The following FAHD2A variants were observed in gnomAD, a reference collection of about 807,000 sequenced individuals.
FAHD2A encodes oxaloacetate tautomerase FAHD2A, mitochondrial.
A neutral mutation model predicts 33.4 loss-of-function variants in FAHD2A; 27 were observed. The ratio of observed to expected loss-of-function variants is 0.81; its 90% confidence interval spans 0.60 to 1.11. The LOEUF (loss-of-function observed/expected upper bound fraction) is 1.11. Among genes scored for constraint, FAHD2A ranks in the 50% most tolerant of loss-of-function variants. The pLI is 0.00. For synonymous variants in FAHD2A, 130 were observed against 153.3 expected (o/e 0.85, Z 1.12); for missense variants, 296 against 395.0 (o/e 0.75, Z 2.12).
At chr2:95,418,094 C>T (rs1683258656), downstream of FAHD2A, among the ~76,000 whole-genome samples, 1 of 152,038 alleles carries the variant, frequency 6.6e-6, no homozygotes, top group South Asian at 2.1e-4. Context: ...CAATAAGCCA[C>T]AATTCACTGG....
rs1358258779 is a variant in FAHD2A, at chr2:95,416,265, CT to C, written c.*3311del. On this transcript the variant is annotated 3_prime_UTR_variant, in exon 8 of 8. Transcript: ENST00000233379. ...CTTAAAGTGCCTCTGAGGCCAAAGC[CT>C]TTGTGGCAATTGTCAAATGAGTCCA... 2.0e-5 allele frequency: 3 copies of C among 152,350 alleles called. No individual in the cohort carries two copies. Among genetic ancestry groups the C allele is most frequent in the Non-Finnish European group, 4.4e-5 (3 of 68,058 alleles). 9.4% of individuals were successfully genotyped at this position (152,350 alleles called of 1,614,324 possible). A position where few individuals can be genotyped will look rare whatever the true frequency, so the allele number is the denominator to read the frequency against.
chr2:95,419,410 TAATAA>T (rs1164469575), downstream of FAHD2A, among the ~76,000 whole-genome samples: 1 of 151,958 alleles, frequency 6.6e-6, no homozygotes, highest in South Asian at 2.1e-4. Flanking sequence ...GAAGGATGGT[TAATAA>T]AATATGGAGG....
chr2:95,418,385 C>T (rs1379740516), downstream of FAHD2A, among the ~76,000 whole-genome samples: 2 of 151,764 alleles, frequency 1.3e-5, no homozygotes, highest in Non-Finnish European at 2.9e-5. Context: ...TATATCTGTT[C>T]CCTACTTAGA....
At chr2:95,412,791 G>A (rs1682758154) in intron 7 of FAHD2A, 27 bp downstream of exon 7, 5 of 1,614,070 alleles carry the variant, frequency 3.1e-6, no homozygotes, top group Non-Finnish European at 4.2e-6. Context: ...CAAAGAGCAA[G>A]GGCCCCAAAG....
rs368012756 is a variant in FAHD2A, at chr2:95,410,567, A to G, written c.503A>G (p.Lys168Arg). 35 of 1,613,364 alleles carry G rather than the reference A, an allele frequency of 2.2e-5. No individual in the cohort carries two copies. The highest frequency in any genetic ancestry group is 2.9e-5 in the Non-Finnish European group (34 of 1,179,770). Residue 168 changes from lysine to arginine, a missense_variant, in exon 4 of 8, where the codon AAG becomes AGG. Lys to Arg is a conservative substitution (Grantham distance 26). Transcript: ENST00000233379. Reference sequence around the variant, plus strand: ...GTGGAGCTGGCCGTGGTCATTGGAAAGAAAGGCAAGCACATCAAGGTGAGG... The same window carrying G: ...GTGGAGCTGGCCGTGGTCATTGGAAGGAAAGGCAAGCACATCAAGGTGAGG... Reference protein sequence around the residue: ...WEVELAVVIGKKGKHIKATDA... With the variant: ...WEVELAVVIGRKGKHIKATDA...
At position 95,413,850 on chromosome 2, in the gene FAHD2A, C is replaced by T; in HGVS notation, c.*893C>T. The T allele has an allele frequency of 1.3e-6, 1 of 766,734 alleles. No individual in the cohort carries two copies. Among genetic ancestry groups the T allele is most frequent in the Admixed American group, 2.1e-5 (1 of 47,970 alleles). 47.5% of individuals were successfully genotyped at this position (766,734 alleles called of 1,614,324 possible). A position where few individuals can be genotyped will look rare whatever the true frequency, so the allele number is the denominator to read the frequency against. ...AGTAAATCCCAGGGTCTTAATGAGG[C>T]ACCATCAGGCCAGCCCTGTGGGGTG... On this transcript the variant is annotated 3_prime_UTR_variant, in exon 8 of 8. Transcript: ENST00000233379.
At chr2:95,417,642 G>A (rs1321136486), downstream of FAHD2A, among the ~76,000 whole-genome samples, 3 of 152,036 alleles carry the variant, frequency 2.0e-5, no homozygotes, top group Admixed American at 6.6e-5. Context: ...AACAACAAAC[G>A]TCTATTTCAC....
intron 3 of FAHD2A, among the ~76,000 whole-genome samples, chr2:95,409,721 G>C (rs1219690254): frequency 6.6e-6 from 1 of 152,184 alleles, no homozygotes; most frequent in Non-Finnish European, 1.5e-5. Context: ...TGTGAATTCT[G>C]TTTTTACTCA....
chr2:95,408,746 G>A (rs1182669012), intron 3 of FAHD2A, among the ~76,000 whole-genome samples: 1 of 152,342 alleles, frequency 6.6e-6, no homozygotes. Context: ...TTTGGGTGGG[G>A]ACACAGAGCT....
chr2:95,409,279 T>C (rs1405790235), intron 3 of FAHD2A, among the ~76,000 whole-genome samples: 2 of 152,168 alleles, frequency 1.3e-5, no homozygotes, highest in African/African-American at 2.4e-5. Context: ...GTGGTCATCC[T>C]GACTGAATCT....
chr2:95,418,159 C>A (rs753203758), downstream of FAHD2A, among the ~76,000 whole-genome samples: 3 of 151,942 alleles, frequency 2.0e-5, no homozygotes, highest in Non-Finnish European at 4.4e-5. Context: ...ACCACAAGTA[C>A]CTGTAGAAGT....
chr2:95,417,099 C>T (rs747177948), downstream of FAHD2A, among the ~76,000 whole-genome samples: 1 of 152,204 alleles, frequency 6.6e-6, no homozygotes, highest in African/African-American at 2.4e-5. Flanking sequence ...ATGATGCAAT[C>T]TTTTCTAAAA....
In FAHD2A at chr2:95,410,496, T is replaced by G. The variant is rs777916373; in HGVS notation, c.463-31T>G. ...CATGGACAGTGGGCCCTGAAGCCAC[T>G]GCAGCTCACTGTTCCTCTCCCACCC... On this transcript the variant is annotated intron_variant, in intron 3 of 7. Transcript: ENST00000233379. 5.2e-5 allele frequency: 83 copies of G among 1,592,712 alleles called. 1 individual carries two copies. In the East Asian group the frequency reaches 1.9e-3, roughly 36 times the overall value.
Position 95,415,173 on chromosome 2 carries a change from G to T in FAHD2A, c.*2216G>T, listed in dbSNP as rs1000135312. The T allele has an allele frequency of 6.6e-6, 1 of 152,116 alleles. No homozygotes were observed. Among genetic ancestry groups the T allele is most frequent in the African/African-American group, 2.4e-5 (1 of 41,378 alleles). 9.4% of individuals were successfully genotyped at this position (152,116 alleles called of 1,614,324 possible). A position where few individuals can be genotyped will look rare whatever the true frequency, so the allele number is the denominator to read the frequency against. ...GAAGCCACCCCAAAATACAGCAGAGGACACCAGGACTTTCATTTTCCCTCA... is the reference window on the plus strand; with the variant it reads ...GAAGCCACCCCAAAATACAGCAGAGTACACCAGGACTTTCATTTTCCCTCA... On this transcript the variant is annotated 3_prime_UTR_variant, in exon 8 of 8. Transcript: ENST00000233379.
chr2:95,419,595 G>C (rs531412144), downstream of FAHD2A, among the ~76,000 whole-genome samples: 2 of 152,166 alleles, frequency 1.3e-5, no homozygotes, highest in African/African-American at 4.8e-5. Flanking sequence ...GCAAGTTCAG[G>C]ACAATGAAAG....
In FAHD2A at chr2:95,414,364, G is replaced by A. The variant is rs1682949595; in HGVS notation, c.*1407G>A. On this transcript the variant is annotated 3_prime_UTR_variant, in exon 8 of 8. Transcript: ENST00000233379. ...GTGCTGGGTGGATATAGAGTATGAA[G>A]ATGTGGAGCTGGGAAAACAGAGGAT... 5.6e-6 allele frequency: 4 copies of A among 708,394 alleles called. No individual in the cohort carries two copies. The Admixed American group carries it at 6.5e-5, about 12-fold the overall frequency. 43.9% of individuals were successfully genotyped at this position (708,394 alleles called of 1,614,324 possible).
chr2:95,417,881 TACC>T (rs1458589259), downstream of FAHD2A, among the ~76,000 whole-genome samples: 2 of 152,074 alleles, frequency 1.3e-5, no homozygotes, highest in African/African-American at 4.8e-5. Context: ...CATCTCCAAA[TACC>T]ACCCCACTGG....
intron 3 of FAHD2A, among the ~76,000 whole-genome samples, chr2:95,409,344 C>T (rs1240802243): frequency 6.6e-6 from 1 of 151,392 alleles, no homozygotes; most frequent in East Asian, 1.9e-4. Flanking sequence ...GAGACAGAGT[C>T]TCACTCTATT....
In FAHD2A at chr2:95,413,217, A is replaced by T; in HGVS notation, c.*260A>T. ...TTGTGGGACTGGGGAAGAAGAGAGC[A>T]AATACACACACATATGCCAAAAAGA... On this transcript the variant is annotated 3_prime_UTR_variant, in exon 8 of 8. Coordinates refer to ENST00000233379, the MANE Select transcript of FAHD2A (RefSeq NM_016044.3). The T allele has an allele frequency of 9.1e-7, 1 of 1,094,998 alleles. No individual in the cohort carries two copies. The highest frequency in any genetic ancestry group is 1.3e-6 in the Non-Finnish European group (1 of 776,676). 67.8% of individuals were successfully genotyped at this position (1,094,998 alleles called of 1,614,324 possible).
Sources: allele counts gnomAD v4.1 joint callset (sites outside exome capture counted in the v4.1 genomes callset), GRCh38; gene constraint gnomAD v4.1.1; transcripts MANE v1.5; gene names NCBI Gene and HGNC (gene_info 2026-07-23, HGNC 2026-07-21).